Variants in NSUN7 observed in about 807,000 individuals in gnomAD.
The protein encoded by NSUN7 is NOP2/Sun RNA methyltransferase family member 7, also known as protein NSUN7.
NSUN7 carries 39 observed loss-of-function variants against 58.5 expected under a neutral mutation model. The ratio of observed to expected loss-of-function variants is 0.67; its 90% confidence interval spans 0.52 to 0.87. The LOEUF (loss-of-function observed/expected upper bound fraction) is 0.87, where lower values mean the gene tolerates loss of function less well. NSUN7 is among the 40% of genes least tolerant of loss of function. The pLI is 0.00. For synonymous variants in NSUN7, 278 were observed against 303.7 expected (o/e 0.92, Z 0.88); for missense variants, 765 against 844.1 (o/e 0.91, Z 1.16).
chr4:40,775,393 C>T lies in NSUN7; in HGVS notation c.825+443C>T, dbSNP rs1278785232. 1.3e-5 allele frequency: 2 copies of T among 152,698 alleles called. No homozygotes were observed. The highest frequency in any genetic ancestry group is 2.4e-5 in the African/African-American group (1 of 41,392). 9.5% of individuals were successfully genotyped at this position (152,698 alleles called of 1,614,324 possible). On this transcript the variant is annotated intron_variant, in intron 6 of 11. Coordinates refer to ENST00000381782, the MANE Select transcript of NSUN7 (RefSeq NM_024677.6). This position sits in a 1 kb window ranked among gnomAD's most constrained non-coding sequence, Gnocchi z 4.3. The stretch of plus-strand genomic sequence containing the variant: ...TTGATTTGTAAGAGGTATATAAAGG[C>T]TATCAATATAGGAAGAGAATGTGAG...
chr4:40,801,218 A>T (rs994237470), intron 10 of NSUN7, among the ~76,000 whole-genome samples: 1 of 152,192 alleles, frequency 6.6e-6, no homozygotes, highest in African/African-American at 2.4e-5. Flanking sequence ...AGGACAATGG[A>T]CTATAACAAG....
intron 10 of NSUN7, among the ~76,000 whole-genome samples, chr4:40,800,667 C>G (rs1743541874): frequency 6.6e-6 from 1 of 152,102 alleles, no homozygotes; most frequent in South Asian, 2.1e-4. Flanking sequence ...AACTATATAT[C>G]TTGTTCTTTA....
At chr4:40,806,956 C>T (rs1199756987) in intron 10 of NSUN7, 105 bp from the exon 11 acceptor site, 9 of 1,178,026 alleles carry the variant, frequency 7.6e-6, no homozygotes, top group South Asian at 3.0e-5. Context: ...TCTGTTTAAA[C>T]GATTGGTAAA....
intron 10 of NSUN7, among the ~76,000 whole-genome samples, chr4:40,805,919 G>T (rs935191522): frequency 6.6e-6 from 1 of 152,036 alleles, no homozygotes; most frequent in Admixed American, 6.6e-5. Context: ...TCAGCTAATT[G>T]CAACCACCAC....
intron 7 of NSUN7, among the ~76,000 whole-genome samples, chr4:40,780,137 C>T (rs559452500): frequency 1.5e-3 from 233 of 152,094 alleles, no homozygotes; most frequent in African/African-American, 5.5e-3. Flanking sequence ...AAAACTTAGC[C>T]GGATGAGTGG....
chr4:40,769,128 T>C (rs1297388294), intron 4 of NSUN7, among the ~76,000 whole-genome samples: 1 of 152,242 alleles, frequency 6.6e-6, no homozygotes, highest in East Asian at 1.9e-4. Context: ...TGAGCCTGTG[T>C]GCTTCTTTCC....
chr4:40,768,151 A>C (rs752289328), intron 4 of NSUN7, among the ~76,000 whole-genome samples: 5 of 152,126 alleles, frequency 3.3e-5, no homozygotes, highest in Non-Finnish European at 7.3e-5. Flanking sequence ...GTAAGCTCAA[A>C]GTATACCTTA....
chr4:40,774,072 A>G (rs1742146793), intron 4 of NSUN7, among the ~76,000 whole-genome samples, 193 bp from the exon 5 acceptor site: 1 of 152,244 alleles, frequency 6.6e-6, no homozygotes, highest in Non-Finnish European at 1.5e-5. Flanking sequence ...TGTTGGGATT[A>G]CAGGCATGAG....
intron 4 of NSUN7, among the ~76,000 whole-genome samples, chr4:40,761,570 ATAAAT>A (rs1293545641): frequency 1.3e-5 from 2 of 152,202 alleles, no homozygotes; most frequent in African/African-American, 2.4e-5. Flanking sequence ...TTTTTAGCAC[ATAAAT>A]TAAACTGTAT....
chr4:40,793,340 G>A (rs1220997561), intron 8 of NSUN7, among the ~76,000 whole-genome samples: 1 of 152,104 alleles, frequency 6.6e-6, no homozygotes, highest in African/African-American at 2.4e-5. Context: ...TATTCAGGAG[G>A]CTGAGGCATG....
chr4:40,751,836 A>C (rs1740850935), intron 2 of NSUN7, among the ~76,000 whole-genome samples: 1 of 152,164 alleles, frequency 6.6e-6, no homozygotes, highest in African/African-American at 2.4e-5. Context: ...CTACAAAAAA[A>C]AATTTAAAAA....
At position 40,798,860 on chromosome 4, in the gene NSUN7, A is replaced by G. The variant is rs1420124780; in HGVS notation, c.1356A>G (p.Lys452=). The G allele has an allele frequency of 3.1e-6, 5 of 1,612,636 alleles. No individual in the cohort carries two copies. In the South Asian group the frequency reaches 4.4e-5, roughly 14 times the overall value. Reference sequence around the variant, plus strand: ...AAGAAAATGAAGCTGTTGTTAAGAAAGCACTGGAATTTCAAGACCTTGGGA... The same window carrying G: ...AAGAAAATGAAGCTGTTGTTAAGAAGGCACTGGAATTTCAAGACCTTGGGA... ...FPEENEAVVK[K]ALEFQDLGNK... is the part of the protein sequence containing the mutation. Residue 452 remains lysine (K), a synonymous_variant, in exon 10 of 12, where the codon AAA becomes AAG. Coordinates refer to ENST00000381782, the MANE Select transcript of NSUN7 (RefSeq NM_024677.6).
rs1017138457 is a variant in NSUN7, at chr4:40,809,652, C to G, written c.*713C>G. ...CAAAAGACTGTGAGCAAATTTCCATCTAAATATTAATAATTCTGAAGAAGA... is the reference window on the plus strand; with the variant it reads ...CAAAAGACTGTGAGCAAATTTCCATGTAAATATTAATAATTCTGAAGAAGA... On this transcript the variant is annotated 3_prime_UTR_variant, in exon 12 of 12. Coordinates refer to ENST00000381782, the MANE Select transcript of NSUN7 (RefSeq NM_024677.6). The G allele has an allele frequency of 3.3e-5, 5 of 152,218 alleles. No homozygotes were observed. The highest frequency in any genetic ancestry group is 2.0e-4 in the Admixed American group (3 of 15,302). The allele number at this position is 152,218 out of a possible 1,614,324, so 9.4% of individuals were successfully genotyped here. A position where few individuals can be genotyped will look rare whatever the true frequency, so the allele number is the denominator to read the frequency against.
chr4:40,796,308 G>A (rs1743323570), intron 9 of NSUN7, among the ~76,000 whole-genome samples: 1 of 152,102 alleles, frequency 6.6e-6, no homozygotes, highest in Non-Finnish European at 1.5e-5. Context: ...CTGCACTCCA[G>A]CCTGGGTGAC....
At position 40,799,073 on chromosome 4, in the gene NSUN7, C is replaced by CTTTTTGTTTTTTTTT. The variant is rs1553919775; in HGVS notation, c.1400+174_1400+175insGTTTTTTTTTTTTTT. Reference sequence around the variant, plus strand: ...AACCAAGATTCCATAGGGCCTTTTTCTTTTTTTTTTTTTTTTTTTTTTTTT... The same window carrying CTTTTTGTTTTTTTTT: ...AACCAAGATTCCATAGGGCCTTTTTCTTTTTGTTTTTTTTTTTTTTTTTTTTTTTTTTTTTTTTTT... On this transcript the variant is annotated intron_variant, in intron 10 of 11. Coordinates refer to ENST00000381782, the MANE Select transcript of NSUN7 (RefSeq NM_024677.6). 1.4e-4 allele frequency among the ~76,000 whole-genome samples: 11 copies of CTTTTTGTTTTTTTTT among 76,206 alleles called. 2 individuals are homozygous for CTTTTTGTTTTTTTTT. The highest frequency in any genetic ancestry group is 9.0e-4 in the South Asian group (2 of 2,220). The allele number at this position is 76,206 out of a possible 152,430, so 50.0% of individuals were successfully genotyped here.
intron 7 of NSUN7, among the ~76,000 whole-genome samples, chr4:40,777,410 T>C (rs2154287790): frequency 6.6e-6 from 1 of 152,296 alleles, no homozygotes; most frequent in Non-Finnish European, 1.5e-5. Context: ...CTTGGCTCAC[T>C]GCAACCTCTG....
chr4:40,785,968 G>T (rs571630263), intron 7 of NSUN7: 5 of 1,149,094 alleles, frequency 4.4e-6, no homozygotes, highest in Non-Finnish European at 5.9e-6. Flanking sequence ...GTATCAGGGC[G>T]CCTCCCCAGC....
chr4:40,761,089 TAATGGAATGG>T lies in NSUN7; in HGVS notation c.358-69_358-60del, dbSNP rs149238464. The T allele has an allele frequency of 1.8e-5, 20 of 1,118,824 alleles. No individual in the cohort carries two copies. The East Asian group carries it at 2.9e-4, about 16-fold the overall frequency. 69.3% of individuals were successfully genotyped at this position (1,118,824 alleles called of 1,614,324 possible). ...CGTATTCCTGCTCTGTTATGAAAAATAATGGAATGGAATGGAATGGAAAATATTGCTGGTT... is the reference window on the plus strand; with the variant it reads ...CGTATTCCTGCTCTGTTATGAAAAATAATGGAATGGAAAATATTGCTGGTT... On this transcript the variant is annotated intron_variant, in intron 3 of 11. Coordinates refer to ENST00000381782, the MANE Select transcript of NSUN7 (RefSeq NM_024677.6).
chr4:40,808,003 C>T (rs897192776), intron 11 of NSUN7, among the ~76,000 whole-genome samples: 3 of 132,740 alleles, frequency 2.3e-5, no homozygotes, highest in Non-Finnish European at 4.6e-5. Context: ...TCGCACCAGC[C>T]TGGGCGACAA....
Sources: allele counts gnomAD v4.1 joint callset (sites outside exome capture counted in the v4.1 genomes callset), GRCh38; gene constraint gnomAD v4.1.1; non-coding constraint Gnocchi (gnomAD v3.1); transcripts MANE v1.5; gene names NCBI Gene and HGNC (gene_info 2026-07-23, HGNC 2026-07-21).